Variants in EIF3A observed in about 807,000 individuals in gnomAD.
The protein encoded by EIF3A is eukaryotic translation initiation factor 3 subunit A.
EIF3A carries 21 observed loss-of-function variants against 186.6 expected under a neutral mutation model. The observed-to-expected ratio is 0.11, with a 90% CI of 0.08 to 0.16. The LOEUF is 0.16. Ranked by LOEUF, EIF3A falls within the 10% of genes least tolerant of loss-of-function variation. The probability of loss-of-function intolerance (pLI) is 1.00; values close to 1 mark genes in which losing one functional copy is unlikely to be tolerated. For synonymous variants in EIF3A, 563 were observed against 584.3 expected, an observed-to-expected ratio of 0.96 and a Z score of 0.52; for missense variants, 1,306 against 1,796.3, an observed-to-expected ratio of 0.73 and a Z score of 4.93.
In EIF3A at chr10:119,034,486, T is replaced by C. The variant is rs1005226768; in HGVS notation, c.*1553A>G. The C allele has an allele frequency of 2.0e-5, 3 of 152,228 alleles. No homozygotes were observed. Among genetic ancestry groups the C allele is most frequent in the African/African-American group, 4.8e-5 (2 of 41,454 alleles). The allele number at this position is 152,228 out of a possible 1,614,324, so 9.4% of individuals were successfully genotyped here. On this transcript the variant is annotated 3_prime_UTR_variant, in exon 22 of 22. Coordinates refer to ENST00000369144, the MANE Select transcript of EIF3A (RefSeq NM_003750.4). ...TCACTGATCTGAAATTCTCTTGTTATGAAAGAAAAGTCCTTCTCCCCACGA... is the reference window on the plus strand; with the variant it reads ...TCACTGATCTGAAATTCTCTTGTTACGAAAGAAAAGTCCTTCTCCCCACGA...
chr10:119,044,179 T>A (rs1848252599), intron 17 of EIF3A, 37 bp from the exon 18 acceptor site: 1 of 1,398,262 alleles, frequency 7.2e-7, no homozygotes, highest in East Asian at 2.3e-5. Context: ...ATTACATTGG[T>A]AACCATTTAC....
At chr10:119,048,193 A>G (rs1848307203) in intron 17 of EIF3A, among the ~76,000 whole-genome samples, 1 of 142,190 alleles carries the variant, frequency 7.0e-6, no homozygotes, top group African/African-American at 2.9e-5. Flanking sequence ...CAGCAGGCAC[A>G]GTGATCAAAC....
At chr10:119,049,758 AGT>A (rs1263206559) in intron 17 of EIF3A, 41 bp downstream of exon 17, 2 of 1,539,558 alleles carry the variant, frequency 1.3e-6, no homozygotes, top group Admixed American at 1.9e-5. Context: ...AAAAAAAAAA[AGT>A]CACATTAAAA....
intron 21 of EIF3A, among the ~76,000 whole-genome samples, chr10:119,036,491 A>T (rs144760299): frequency 2.5e-4 from 38 of 152,320 alleles, no homozygotes; most frequent in African/African-American, 8.4e-4. Flanking sequence ...CAAAATCTGA[A>T]AACAGGCAGA....
intron 14 of EIF3A, among the ~76,000 whole-genome samples, chr10:119,055,029 G>A (rs1332244285): frequency 6.6e-6 from 1 of 152,010 alleles, no homozygotes; most frequent in African/African-American, 2.4e-5. Flanking sequence ...AGCCAACACG[G>A]TGACCTCATC....
chr10:119,069,619 T>C lies in EIF3A; in HGVS notation c.777A>G (p.Leu259=), dbSNP rs1484924849. ...AFKAVEDIHG[L]FSLSKKPPKP... is the part of the protein sequence containing the mutation. ...TAGGTGGTTTTTTAGACAAGGAGAA[T>C]AGCCCGTGAATATCTTCCACAGCTT... Residue 259 remains leucine, a synonymous_variant, in exon 6 of 22, where the codon CTA becomes CTG. Coordinates refer to ENST00000369144, the MANE Select transcript of EIF3A (RefSeq NM_003750.4). 6.3e-7 allele frequency: 1 copy of C among 1,595,918 alleles called. No individual in the cohort carries two copies. The highest frequency in any genetic ancestry group is 1.3e-5 in the African/African-American group (1 of 74,552).
intron 1 of EIF3A, among the ~76,000 whole-genome samples, chr10:119,077,784 A>G (rs1564763316): frequency 6.6e-6 from 1 of 151,934 alleles, no homozygotes; most frequent in Non-Finnish European, 1.5e-5. Flanking sequence ...TGATCTCCTG[A>G]CCTTGTGATC....
intron 14 of EIF3A, among the ~76,000 whole-genome samples, chr10:119,055,824 G>C (rs147345190): frequency 1.3e-5 from 2 of 152,230 alleles, no homozygotes; most frequent in Non-Finnish European, 2.9e-5. Context: ...AAAACACCTG[G>C]AAATCAATGC....
Position 119,057,992 on chromosome 10 carries a change from T to C in EIF3A, c.1941A>G (p.Glu647=), listed in dbSNP as rs764820567. 1.2e-6 allele frequency: 2 copies of C among 1,613,654 alleles called. No homozygotes were observed. Among genetic ancestry groups the C allele is most frequent in the Middle Eastern group, 1.6e-4 (1 of 6,062 alleles). Residue 647 remains glutamate (E), a synonymous_variant, in exon 12 of 22, where the codon GAA becomes GAG. Coordinates refer to ENST00000369144, the MANE Select transcript of EIF3A (RefSeq NM_003750.4). The stretch of plus-strand genomic sequence containing the variant: ...TATCTTTGAATGCTTTGGCACCCAG[T>C]TCTGTTTTCTTGATCTGCTCCAAAC... The part of the protein sequence containing the change: ...RERLEQIKKT[E]LGAKAFKDID...
chr10:119,073,305 G>T, intron 3 of EIF3A, 136 bp downstream of exon 3: 3 of 730,798 alleles, frequency 4.1e-6, no homozygotes, highest in South Asian at 4.1e-5. Flanking sequence ...AAATTAACTG[G>T]TTACTATGCA....
intron 16 of EIF3A, 67 bp from the exon 17 acceptor site, chr10:119,050,052 T>C: frequency 6.9e-7 from 1 of 1,458,692 alleles, no homozygotes; most frequent in African/African-American, 1.4e-5. Context: ...CTAGTTCCAC[T>C]TTTCTGGTAT....
chr10:119,075,879 ATTTT>A (rs58100835), intron 1 of EIF3A, among the ~76,000 whole-genome samples: 2 of 94,072 alleles, frequency 2.1e-5, no homozygotes, highest in Non-Finnish European at 4.0e-5. Flanking sequence ...CGCCTGGCTA[ATTTT>A]TTTTTTTTTT....
At chr10:119,040,295 G>A (rs982649825) in intron 19 of EIF3A, among the ~76,000 whole-genome samples, 1 of 152,040 alleles carries the variant, frequency 6.6e-6, no homozygotes, top group Non-Finnish European at 1.5e-5. Context: ...AGAGGAGGGT[G>A]GATTTCAGGA....
chr10:119,061,201 A>G (rs764336801), intron 8 of EIF3A, 23 bp downstream of exon 8: 1 of 1,370,266 alleles, frequency 7.3e-7, no homozygotes, highest in South Asian at 1.3e-5. Context: ...GGTAACAACC[A>G]GAACTTAAAT....
chr10:119,080,231 TC>T (rs1284627941), intron 1 of EIF3A: 5 of 824,608 alleles, frequency 6.1e-6, no homozygotes, highest in Non-Finnish European at 7.3e-6. Context: ...TGTTTCTTAC[TC>T]CCCGGCACTC....
chr10:119,079,532 T>TGA (rs1020987451), intron 1 of EIF3A, among the ~76,000 whole-genome samples: 2 of 151,326 alleles, frequency 1.3e-5, no homozygotes, highest in African/African-American at 4.9e-5. Flanking sequence ...GAAGGAAGGA[T>TGA]GAAAATAAGA....
At chr10:119,044,613 C>T (rs917208092) in intron 17 of EIF3A, among the ~76,000 whole-genome samples, 8 of 152,190 alleles carry the variant, frequency 5.3e-5, no homozygotes, top group Admixed American at 4.6e-4. Context: ...GTTTGGAAGG[C>T]CGAGGCAGGT....
intron 14 of EIF3A, among the ~76,000 whole-genome samples, 187 bp from the exon 15 acceptor site, chr10:119,051,508 G>C (rs1305745750): frequency 2.6e-5 from 4 of 152,134 alleles, no homozygotes; most frequent in Non-Finnish European, 5.9e-5. Context: ...GCAAGAGGTA[G>C]ACAAAGTAAT....
chr10:119,042,775 A>G lies in EIF3A; in HGVS notation c.2748-3T>C. On this transcript the variant is annotated splice_region_variant and splice_polypyrimidine_tract_variant and intron_variant, in intron 18 of 21. Transcript: ENST00000369144. This position sits in a 1 kb window ranked among gnomAD's most constrained non-coding sequence, Gnocchi z 7.8. ...GCCCTTCTCCACGTCTCCACTCCCT[A>G]CACAGCAACAAGAACAATTAAAAAT... 8 of 1,572,094 alleles carry G rather than the reference A, an allele frequency of 5.1e-6. No individual in the cohort carries two copies. Among genetic ancestry groups the G allele is most frequent in the Non-Finnish European group, 6.0e-6 (7 of 1,162,708 alleles).
Sources: gnomAD v4.1 joint callset for allele counts (sites outside exome capture counted in the v4.1 genomes callset) on GRCh38, gnomAD v4.1.1 for gene constraint, Gnocchi (gnomAD v3.1) non-coding constraint, MANE v1.5 for transcripts, NCBI Gene and HGNC (gene_info 2026-07-23, HGNC 2026-07-21) for gene names.